TMEM178B: variants seen among roughly 807,000 people sequenced by gnomAD.
TMEM178B encodes the protein transmembrane protein 178B.
Under a neutral mutation model 31.0 loss-of-function variants are expected in TMEM178B, and 5 were observed. The ratio of observed to expected loss-of-function variants is 0.16; its 90% CI spans 0.08 to 0.34. The LOEUF (loss-of-function observed/expected upper bound fraction) is 0.34, where lower values mean the gene tolerates loss of function less well. Among genes scored for constraint, TMEM178B ranks in the 10% least tolerant of loss-of-function variants. The pLI is 1.00. For missense variants in TMEM178B, 275 were observed against 400.3 expected (o/e 0.69, Z 2.67); for synonymous variants, 164 against 164.0 (o/e 1.00, Z 0.00).
chr7:141,493,322 G>A, the TMEM178B span, among the ~76,000 whole-genome samples: 12 of 152,332 alleles, frequency 7.9e-5, no homozygotes, highest in East Asian at 3.9e-4. Flanking sequence ...AGATGTGTGC[G>A]CACTTGTGTT....
At chr7:141,466,578 A>G (rs907141586) in intron 3 of TMEM178B, among the ~76,000 whole-genome samples, 1 of 152,190 alleles carries the variant, frequency 6.6e-6, no homozygotes, top group Non-Finnish European at 1.5e-5. Flanking sequence ...ATGGCTTTTG[A>G]TAAGAAGAAA....
chr7:141,262,474 A>AAT (rs10570183), intron 2 of TMEM178B, among the ~76,000 whole-genome samples: 4,119 of 131,710 alleles, frequency 0.031, 210 homozygotes, highest in African/African-American at 0.1. Context: ...AAATACATAT[A>AAT]ATATATATAT....
intron 2 of TMEM178B, among the ~76,000 whole-genome samples, chr7:141,426,202 G>C (rs1801313629): frequency 6.6e-6 from 1 of 152,174 alleles, no homozygotes; most frequent in Non-Finnish European, 1.5e-5. Context: ...ACTATGCCAC[G>C]GTGCATACAG....
chr7:141,350,979 G>C (rs1033765881), intron 2 of TMEM178B, among the ~76,000 whole-genome samples: 2 of 152,166 alleles, frequency 1.3e-5, no homozygotes, highest in Non-Finnish European at 2.9e-5. Context: ...CACATGACTT[G>C]CTCATCCTCT....
At chr7:141,359,693 A>G (rs1429765923) in intron 2 of TMEM178B, among the ~76,000 whole-genome samples, 1 of 152,298 alleles carries the variant, frequency 6.6e-6, no homozygotes, top group Non-Finnish European at 1.5e-5. Context: ...TGAGTAGACT[A>G]CATTTTTTGG....
chr7:141,138,899 G>A (rs1048412792), intron 1 of TMEM178B, among the ~76,000 whole-genome samples: 1 of 151,964 alleles, frequency 6.6e-6, no homozygotes, highest in African/African-American at 2.4e-5. Flanking sequence ...CAGGAGAATG[G>A]TGTGAACCCG....
At chr7:141,075,016 G>A (rs368559659) in intron 1 of TMEM178B, among the ~76,000 whole-genome samples, 1 of 152,230 alleles carries the variant, frequency 6.6e-6, no homozygotes, top group Non-Finnish European at 1.5e-5. Context: ...CGTTGTTTGT[G>A]CTCTTAAAGG....
chr7:141,453,920 T>TAAAA (rs10701376), intron 3 of TMEM178B, among the ~76,000 whole-genome samples: 1 of 147,634 alleles, frequency 6.8e-6, no homozygotes. Flanking sequence ...CCCTTTTATC[T>TAAAA]AAAAAAAAAA....
At chr7:141,132,815 G>A (rs964878906) in intron 1 of TMEM178B, among the ~76,000 whole-genome samples, 1 of 152,092 alleles carries the variant, frequency 6.6e-6, no homozygotes, top group Admixed American at 6.6e-5. Context: ...GCCCACATAC[G>A]CCACCTTGGG....
At chr7:141,313,708 G>T (rs536593337) in intron 2 of TMEM178B, among the ~76,000 whole-genome samples, 67 of 152,030 alleles carry the variant, frequency 4.4e-4, no homozygotes, top group Non-Finnish European at 8.5e-4. Context: ...AGATCATTCT[G>T]TGAGTTGACA....
intron 2 of TMEM178B, among the ~76,000 whole-genome samples, chr7:141,314,631 T>C (rs774935733): frequency 3.9e-5 from 6 of 152,218 alleles, no homozygotes; most frequent in Non-Finnish European, 7.4e-5. Flanking sequence ...GGCATCCTCA[T>C]TCATCTTTCC....
At chr7:141,138,944 A>G (rs987762834) in intron 1 of TMEM178B, among the ~76,000 whole-genome samples, 2 of 151,930 alleles carry the variant, frequency 1.3e-5, no homozygotes, top group Admixed American at 1.3e-4. Context: ...AGATCGCGCC[A>G]CCGCAGTCCA....
At position 141,187,682 on chromosome 7, in the gene TMEM178B, C is replaced by G. The variant is rs923066682; in HGVS notation, c.383-24909C>G. ...CATTGTGGTTTTGATTTGCATTTCTCTGATGGCCAGTGATGATGAGCATTT... is the reference window on the plus strand; with the variant it reads ...CATTGTGGTTTTGATTTGCATTTCTGTGATGGCCAGTGATGATGAGCATTT... On this transcript the variant is annotated intron_variant, in intron 1 of 3. Coordinates refer to ENST00000565468, the MANE Select transcript of TMEM178B (RefSeq NM_001195278.2). 5.8e-4 allele frequency among the ~76,000 whole-genome samples: 89 copies of G among 152,330 alleles called. 1 individual carries two copies. The highest frequency in any genetic ancestry group is 5.8e-4 in the East Asian group (3 of 5,190).
In TMEM178B at chr7:141,472,869, A is replaced by G. The variant is rs1406464102; in HGVS notation, c.*2083A>G. On this transcript the variant is annotated 3_prime_UTR_variant, in exon 4 of 4. Coordinates refer to ENST00000565468, the MANE Select transcript of TMEM178B (RefSeq NM_001195278.2). ...TGGGGTTGAATGTGGATCTCTCTGT[A>G]TGTGTATCTCTCTGGTGCATTTTGT... 1 of 151,896 alleles carries G rather than the reference A, an allele frequency of 6.6e-6. No individual in the cohort carries two copies. Among genetic ancestry groups the G allele is most frequent in the Non-Finnish European group, 1.5e-5 (1 of 68,006 alleles). 9.4% of individuals were successfully genotyped at this position (151,896 alleles called of 1,614,324 possible).
At chr7:141,276,084 C>G (rs1414016608) in intron 2 of TMEM178B, among the ~76,000 whole-genome samples, 3 of 152,076 alleles carry the variant, frequency 2.0e-5, no homozygotes, top group Non-Finnish European at 2.9e-5. Context: ...GATGTTTTTC[C>G]TGAGTATTAG....
intron 3 of TMEM178B, among the ~76,000 whole-genome samples, chr7:141,459,549 A>G (rs1331957737): frequency 1.3e-5 from 2 of 152,186 alleles, no homozygotes; most frequent in Non-Finnish European, 2.9e-5. Context: ...AAAGATTCAG[A>G]AAAAGTGTGG....
intron 2 of TMEM178B, among the ~76,000 whole-genome samples, chr7:141,226,859 GAA>G (rs35251476): frequency 0.038 from 1,405 of 37,308 alleles, 64 homozygotes; most frequent in East Asian, 0.26. Context: ...CTACCACTCT[GAA>G]AAAAAAAAAA....
At chr7:141,216,501 T>C (rs796231623) in intron 2 of TMEM178B, among the ~76,000 whole-genome samples, 4 of 144,872 alleles carry the variant, frequency 2.8e-5, no homozygotes, top group African/African-American at 1.1e-4. Context: ...AGAAGGGTGA[T>C]CTTTGTGGAT....
chr7:141,366,659 A>G (rs762608598), intron 2 of TMEM178B, among the ~76,000 whole-genome samples: 2 of 152,046 alleles, frequency 1.3e-5, no homozygotes, highest in Non-Finnish European at 1.5e-5. Context: ...TTAGTTTTCT[A>G]TAACTTTTCT....
Sources: allele counts gnomAD v4.1 joint callset (sites outside exome capture counted in the v4.1 genomes callset), GRCh38; gene constraint gnomAD v4.1.1; transcripts MANE v1.5; gene names NCBI Gene and HGNC (gene_info 2026-07-23, HGNC 2026-07-21).